ZNF385D: variants seen among roughly 807,000 people sequenced by gnomAD.
The protein encoded by ZNF385D is zinc finger protein 659.
Under a neutral mutation model 35.8 loss-of-function variants are expected in ZNF385D, and 15 were observed. The observed-to-expected ratio is 0.42, with a 90% CI of 0.28 to 0.64. The LOEUF is 0.64. Ranked by LOEUF, ZNF385D falls within the 30% of genes least tolerant of loss-of-function variation. ZNF385D has a pLI of 0.23. For synonymous variants in ZNF385D, 212 were observed against 186.8 expected (o/e 1.13, Z -1.10); for missense variants, 474 against 494.6 (o/e 0.96, Z 0.39).
Position 21,632,484 on chromosome 3 carries a change from A to T in ZNF385D, c.165+32402T>A, listed in dbSNP as rs545170302. Among the ~76,000 whole-genome samples, 19 of 152,232 alleles carry T rather than the reference A, an allele frequency of 1.2e-4. No individual in the cohort carries two copies. The South Asian group carries it at 3.5e-3, about 28-fold the overall frequency. On this transcript the variant is annotated intron_variant, in intron 2 of 7. Coordinates refer to ENST00000281523, the MANE Select transcript of ZNF385D (RefSeq NM_024697.3). ...TATATTAAATTTTTACTTACTTCTC[A>T]TGCTGATTTTTGTCAATTCAAAACA...
chr3:21,629,387 C>T (rs7649561), intron 2 of ZNF385D, among the ~76,000 whole-genome samples: 117,041 of 152,050 alleles, frequency 0.77, 45,305 homozygotes, highest in Middle Eastern at 0.82. Flanking sequence ...TTTCTCCAGG[C>T]TTATTTGTCT....
At chr3:22,317,052 C>A (rs766999711) in intron 2 of ZNF385D, among the ~76,000 whole-genome samples, 1 of 151,718 alleles carries the variant, frequency 6.6e-6, no homozygotes, top group Non-Finnish European at 1.5e-5. Flanking sequence ...CCGAGGTGGG[C>A]GGATTACCTG....
intron 1 of ZNF385D, among the ~76,000 whole-genome samples, chr3:21,678,908 C>A (rs761728076): frequency 6.6e-6 from 1 of 151,978 alleles, no homozygotes; most frequent in African/African-American, 2.4e-5. Context: ...TCCTTATAAG[C>A]GAAGATAAGA....
intron 2 of ZNF385D, among the ~76,000 whole-genome samples, chr3:22,183,995 G>C (rs981443579): frequency 2.0e-5 from 3 of 151,978 alleles, no homozygotes; most frequent in African/African-American, 4.8e-5. Flanking sequence ...GTTTCACTTT[G>C]TCAGTATGTG....
At chr3:21,445,718 C>T (rs1702113976) in intron 4 of ZNF385D, among the ~76,000 whole-genome samples, 1 of 152,124 alleles carries the variant, frequency 6.6e-6, no homozygotes. Context: ...AATTGATAAA[C>T]ACGGATGCTG....
intron 2 of ZNF385D, among the ~76,000 whole-genome samples, chr3:22,181,593 G>A (rs1329356131): frequency 1.3e-5 from 2 of 151,908 alleles, no homozygotes; most frequent in African/African-American, 4.8e-5. Flanking sequence ...AGCTACTCTG[G>A]AGGCTGAGGC....
At chr3:21,978,971 T>C (rs1323162293) in intron 3 of ZNF385D, among the ~76,000 whole-genome samples, 1 of 152,172 alleles carries the variant, frequency 6.6e-6, no homozygotes, top group Non-Finnish European at 1.5e-5. Context: ...AAATTTAAAT[T>C]TGAAAGCTTA....
At chr3:21,731,963 T>C (rs891324739) in intron 1 of ZNF385D, among the ~76,000 whole-genome samples, 1 of 151,470 alleles carries the variant, frequency 6.6e-6, no homozygotes, top group African/African-American at 2.4e-5. Flanking sequence ...GAAGAGCATC[T>C]TAGTTGCTTC....
intron 2 of ZNF385D, among the ~76,000 whole-genome samples, chr3:22,326,842 T>C (rs958755351): frequency 6.6e-6 from 1 of 152,298 alleles, no homozygotes; most frequent in Middle Eastern, 3.4e-3. Context: ...CCCCAAAGTA[T>C]TTTCTATTAC....
chr3:21,775,249 C>T (rs191850894), intron 3 of ZNF385D, among the ~76,000 whole-genome samples: 56 of 151,864 alleles, frequency 3.7e-4, no homozygotes, highest in Middle Eastern at 6.8e-3. Context: ...TTTATTAACT[C>T]TTTAATGCAG....
intron 3 of ZNF385D, among the ~76,000 whole-genome samples, chr3:21,856,481 A>G (rs966398813): frequency 6.6e-6 from 1 of 152,052 alleles, no homozygotes; most frequent in African/African-American, 2.4e-5. Flanking sequence ...TAACATGTAA[A>G]ATATGCAACT....
chr3:21,462,715 C>T (rs994738374), intron 4 of ZNF385D, among the ~76,000 whole-genome samples: 1 of 152,208 alleles, frequency 6.6e-6, no homozygotes, highest in African/African-American at 2.4e-5. Flanking sequence ...GGCACGGTGG[C>T]TTACGCCTGT....
chr3:21,499,270 C>T (rs1323352890), intron 4 of ZNF385D, among the ~76,000 whole-genome samples: 1 of 152,072 alleles, frequency 6.6e-6, no homozygotes, highest in Non-Finnish European at 1.5e-5. Context: ...AAATTTGGTA[C>T]ATATACACCA....
chr3:21,746,475 C>T (rs2069775533), intron 1 of ZNF385D, among the ~76,000 whole-genome samples: 1 of 152,160 alleles, frequency 6.6e-6, no homozygotes, highest in Non-Finnish European at 1.5e-5. Context: ...TCTTAGATTT[C>T]AGGTTCTTAT....
chr3:22,069,352 A>T (rs1700119911), intron 3 of ZNF385D, among the ~76,000 whole-genome samples: 2 of 152,180 alleles, frequency 1.3e-5, no homozygotes, highest in African/African-American at 4.8e-5. Context: ...AATAAAACGA[A>T]TATGAGAAGG....
chr3:21,932,865 T>C (rs1435342889), intron 3 of ZNF385D, among the ~76,000 whole-genome samples: 3 of 152,178 alleles, frequency 2.0e-5, no homozygotes, highest in Non-Finnish European at 4.4e-5. Flanking sequence ...AGAATTGATA[T>C]TAACCATCAC....
intron 2 of ZNF385D, among the ~76,000 whole-genome samples, chr3:21,573,673 A>G (rs1469841101): frequency 6.6e-6 from 1 of 152,208 alleles, no homozygotes; most frequent in African/African-American, 2.4e-5. Context: ...ATAGAGAAGA[A>G]TATCTAAAAT....
intron 5 of ZNF385D, among the ~76,000 whole-genome samples, chr3:21,427,761 C>G (rs752845003): frequency 6.6e-6 from 1 of 152,116 alleles, no homozygotes; most frequent in African/African-American, 2.4e-5. Context: ...AAATACCCAT[C>G]TTTTCAGAAA....
intron 2 of ZNF385D, among the ~76,000 whole-genome samples, chr3:22,361,313 T>C (rs1361293704): frequency 1.3e-5 from 2 of 152,080 alleles, no homozygotes; most frequent in Non-Finnish European, 2.9e-5. Flanking sequence ...CAATTTGCTG[T>C]AATCAGAATG....
Sources: gnomAD v4.1 joint callset for allele counts (sites outside exome capture counted in the v4.1 genomes callset) on GRCh38, gnomAD v4.1.1 for gene constraint, MANE v1.5 for transcripts, NCBI Gene and HGNC (gene_info 2026-07-23, HGNC 2026-07-21) for gene names.